LDB2: variants seen among roughly 807,000 people sequenced by gnomAD.
LDB2 encodes the protein LIM domain binding 2.
Under a neutral mutation model 44.3 loss-of-function variants are expected in LDB2, and 12 were observed. That is an observed-to-expected ratio of 0.27 (90% confidence interval 0.17 to 0.44). The LOEUF is 0.44. Ranked by LOEUF, LDB2 falls within the 20% of genes least tolerant of loss-of-function variation. The pLI, the probability that LDB2 is intolerant of heterozygous loss-of-function variation, is 1.00. For synonymous variants in LDB2, 164 were observed against 174.8 expected (o/e 0.94, Z 0.49); for missense variants, 344 against 473.5 (o/e 0.73, Z 2.54).
chr4:16,774,625 G>A (rs1771493069), intron 1 of LDB2, among the ~76,000 whole-genome samples: 1 of 152,106 alleles, frequency 6.6e-6, no homozygotes, highest in South Asian at 2.1e-4. Flanking sequence ...TATTTTACAG[G>A]TGAAGAAAAC....
At chr4:16,757,033 C>G (rs1005021545) in intron 2 of LDB2, among the ~76,000 whole-genome samples, 9 of 152,000 alleles carry the variant, frequency 5.9e-5, no homozygotes, top group Non-Finnish European at 1.2e-4. Context: ...TTTCAGCTTC[C>G]CTGGAAGCAT....
Position 16,812,582 on chromosome 4 carries a change from T to TTATATA in LDB2, c.133-53328_133-53323dup, listed in dbSNP as rs6148319. 2.8e-3 allele frequency among the ~76,000 whole-genome samples: 318 copies of TTATATA among 115,528 alleles called. 8 individuals carry two copies. The highest frequency in any genetic ancestry group is 0.011 in the African/African-American group (272 of 25,806). The allele number at this position is 115,528 out of a possible 152,430, so 75.8% of individuals were successfully genotyped here. A position where few individuals can be genotyped will look rare whatever the true frequency, so the allele number is the denominator to read the frequency against. ...ATACTTGAGGCTGGAATCAATGAAA[T>TTATATA]TATATATATATATATATATATATAT... On this transcript the variant is annotated intron_variant, in intron 1 of 7. Coordinates refer to ENST00000304523, the MANE Select transcript of LDB2 (RefSeq NM_001290.5).
chr4:16,855,525 C>A (rs1580256442), intron 1 of LDB2, among the ~76,000 whole-genome samples: 1 of 151,984 alleles, frequency 6.6e-6, no homozygotes, highest in East Asian at 1.9e-4. Flanking sequence ...AAGCAACTCA[C>A]AAATTATAGT....
At chr4:16,783,465 G>A (rs1053943961) in intron 1 of LDB2, among the ~76,000 whole-genome samples, 1 of 152,354 alleles carries the variant, frequency 6.6e-6, no homozygotes, top group Non-Finnish European at 1.5e-5. Flanking sequence ...CACCCACGGA[G>A]GTTGTCCTCA....
In LDB2 at chr4:16,619,868, A is replaced by G. The variant is rs139938873; in HGVS notation, c.236-23993T>C. On this transcript the variant is annotated intron_variant, in intron 2 of 7. Transcript: ENST00000304523. ...TATTTTATTTTTCTTCTTTTACCAG[A>G]GAAGTTAATATTAATAGTAAGGAAA... Among the ~76,000 whole-genome samples, 915 of 150,900 alleles carry G rather than the reference A, an allele frequency of 6.1e-3. 3 individuals carry two copies. Among genetic ancestry groups the G allele is most frequent in the Middle Eastern group, 0.01 (3 of 292 alleles).
At chr4:16,687,648 C>A (rs1749583778) in intron 2 of LDB2, among the ~76,000 whole-genome samples, 1 of 152,056 alleles carries the variant, frequency 6.6e-6, no homozygotes, top group East Asian at 1.9e-4. Context: ...ATGTACTTAC[C>A]CATATCAACT....
intron 2 of LDB2, among the ~76,000 whole-genome samples, chr4:16,645,376 A>C (rs1736446052): frequency 6.6e-6 from 1 of 151,578 alleles, no homozygotes. Flanking sequence ...CTCTACTAAA[A>C]ATGCAAAAAA....
chr4:16,864,099 TGA>T (rs1250056330), intron 1 of LDB2, among the ~76,000 whole-genome samples: 2 of 152,066 alleles, frequency 1.3e-5, no homozygotes, highest in African/African-American at 2.4e-5. Context: ...GTCATTCACA[TGA>T]GAGAGAGGGA....
At chr4:16,519,962 T>C (rs966907369) in intron 5 of LDB2, among the ~76,000 whole-genome samples, 2 of 151,914 alleles carry the variant, frequency 1.3e-5, no homozygotes, top group African/African-American at 4.8e-5. Context: ...AGTCACATGG[T>C]CTCTGGAAGT....
intron 1 of LDB2, among the ~76,000 whole-genome samples, chr4:16,872,118 G>T (rs144486273): frequency 6.6e-6 from 1 of 151,616 alleles, no homozygotes; most frequent in Non-Finnish European, 1.5e-5. Context: ...TATAATAAGC[G>T]TATGTATGTA....
At chr4:16,771,352 C>T (rs779693845) in intron 1 of LDB2, among the ~76,000 whole-genome samples, 3 of 152,082 alleles carry the variant, frequency 2.0e-5, no homozygotes, top group African/African-American at 7.2e-5. Flanking sequence ...CATTTCTATT[C>T]TCTTCTCTGT....
At chr4:16,544,288 C>T (rs763936864) in intron 5 of LDB2, among the ~76,000 whole-genome samples, 40 of 152,158 alleles carry the variant, frequency 2.6e-4, no homozygotes, top group Admixed American at 7.9e-4. Flanking sequence ...ACTGCAAGTC[C>T]GAAGCCAGCG....
At chr4:16,821,746 C>A (rs1281833873) in intron 1 of LDB2, among the ~76,000 whole-genome samples, 153 of 61,680 alleles carry the variant, frequency 2.5e-3, no homozygotes, top group African/African-American at 5.5e-3. Flanking sequence ...AACATTAAAG[C>A]AAAAAAAAAA....
intron 2 of LDB2, among the ~76,000 whole-genome samples, chr4:16,648,927 G>A (rs1345367343): frequency 6.6e-6 from 1 of 152,068 alleles, no homozygotes; most frequent in African/African-American, 2.4e-5. Context: ...ACAAAGCAGG[G>A]CAGAGTTTAA....
chr4:16,779,931 T>C (rs911063996), intron 1 of LDB2, among the ~76,000 whole-genome samples: 5 of 152,246 alleles, frequency 3.3e-5, no homozygotes, highest in African/African-American at 1.2e-4. Flanking sequence ...CTTTTCTGTA[T>C]TTGTTTTTTT....
chr4:16,556,063 G>A (rs1265242960), intron 5 of LDB2, among the ~76,000 whole-genome samples: 1 of 152,158 alleles, frequency 6.6e-6, no homozygotes, highest in Non-Finnish European at 1.5e-5. Flanking sequence ...CCTTAAAACA[G>A]TCCAACTATC....
At chr4:16,791,256 C>A (rs1775634576) in intron 1 of LDB2, among the ~76,000 whole-genome samples, 1 of 151,984 alleles carries the variant, frequency 6.6e-6, no homozygotes, top group Admixed American at 6.6e-5. Flanking sequence ...AAAACAACAA[C>A]AACAACAACA....
intron 1 of LDB2, among the ~76,000 whole-genome samples, chr4:16,760,797 G>T (rs572008803): frequency 3.3e-5 from 5 of 152,300 alleles, no homozygotes; most frequent in African/African-American, 1.2e-4. Context: ...AACTCAGTGG[G>T]CTTGGAAGTG....
At chr4:16,879,037 C>T (rs981836586) in intron 1 of LDB2, among the ~76,000 whole-genome samples, 7 of 152,144 alleles carry the variant, frequency 4.6e-5, no homozygotes, top group Admixed American at 2.0e-4. Flanking sequence ...TGCTGTACAG[C>T]CCCCTTACTT....
Sources: gnomAD v4.1 joint callset for allele counts (sites outside exome capture counted in the v4.1 genomes callset) on GRCh38, gnomAD v4.1.1 for gene constraint, MANE v1.5 for transcripts, NCBI Gene and HGNC (gene_info 2026-07-23, HGNC 2026-07-21) for gene names.